Variants in MTX2 observed in about 807,000 individuals in gnomAD.
MTX2 encodes metaxin 2.
MTX2 carries 35 observed loss-of-function variants against 42.3 expected under a neutral mutation model. The observed-to-expected ratio is 0.83, with a 90% CI of 0.63 to 1.10. MTX2 has a LOEUF of 1.10. MTX2 is among the 50% of genes least tolerant of loss of function. The pLI is 0.00. For missense variants in MTX2, 307 were observed against 304.1 expected, an observed-to-expected ratio of 1.01 and a Z score of -0.07; for synonymous variants, 119 against 100.9, an observed-to-expected ratio of 1.18 and a Z score of -1.08.
At chr2:176,328,016 T>C (rs1241138203) in intron 5 of MTX2, among the ~76,000 whole-genome samples, 1 of 151,192 alleles carries the variant, frequency 6.6e-6, no homozygotes, top group African/African-American at 2.4e-5. Flanking sequence ...TTAAACAAGG[T>C]TTGCTGACCA....
chr2:176,310,840 G>T (rs112940229), intron 3 of MTX2, among the ~76,000 whole-genome samples: 123 of 152,218 alleles, frequency 8.1e-4, no homozygotes, highest in African/African-American at 2.9e-3. Flanking sequence ...CTATGGGTTT[G>T]AACATCCTCC....
At chr2:176,313,416 A>G (rs1388465150) in intron 3 of MTX2, among the ~76,000 whole-genome samples, 2 of 112,794 alleles carry the variant, frequency 1.8e-5, no homozygotes, top group South Asian at 2.7e-4. Flanking sequence ...TTTTGGAGAT[A>G]GGGTCTCACT....
At chr2:176,313,417 G>A (rs1414815520) in intron 3 of MTX2, among the ~76,000 whole-genome samples, 2 of 122,676 alleles carry the variant, frequency 1.6e-5, no homozygotes, top group South Asian at 5.4e-4. Context: ...TTTGGAGATA[G>A]GGTCTCACTC....
chr2:176,274,252 C>T (rs1348619593), intron 1 of MTX2, among the ~76,000 whole-genome samples: 3 of 152,038 alleles, frequency 2.0e-5, no homozygotes, highest in African/African-American at 7.2e-5. Context: ...TTTAAAATTC[C>T]ATCCATCATT....
At chr2:176,310,668 CT>C (rs1684281788) in intron 3 of MTX2, among the ~76,000 whole-genome samples, 1 of 152,132 alleles carries the variant, frequency 6.6e-6, no homozygotes, top group African/African-American at 2.4e-5. Context: ...CACTGATACC[CT>C]TTCTTCCACT....
chr2:176,332,668 C>T (rs575770972), intron 9 of MTX2, among the ~76,000 whole-genome samples: 1 of 150,874 alleles, frequency 6.6e-6, no homozygotes, highest in Non-Finnish European at 1.5e-5. Flanking sequence ...GAAAAGAGGC[C>T]AAAAAGCAAG....
At chr2:176,327,037 T>G in intron 5 of MTX2, 136 bp downstream of exon 5, 1 of 485,706 alleles carries the variant, frequency 2.1e-6, no homozygotes, top group Admixed American at 4.2e-5. Context: ...ATTTCTGAAG[T>G]GTAAGTTAGT....
At chr2:176,317,449 G>A (rs188696560) in intron 3 of MTX2, among the ~76,000 whole-genome samples, 40 of 152,228 alleles carry the variant, frequency 2.6e-4, no homozygotes, top group African/African-American at 8.9e-4. Flanking sequence ...TTTTGGCTCT[G>A]TATTTTGTTT....
chr2:176,294,312 TCTCC>T, intron 1 of MTX2, among the ~76,000 whole-genome samples: 1 of 137,494 alleles, frequency 7.3e-6, no homozygotes, highest in South Asian at 2.3e-4. Context: ...TAAGACAGAG[TCTCC>T]CTCTGTCACC....
chr2:176,331,685 T>G (rs576470222), intron 9 of MTX2, among the ~76,000 whole-genome samples: 1 of 151,184 alleles, frequency 6.6e-6, no homozygotes, highest in Non-Finnish European at 1.5e-5. Context: ...GAAATTCTGG[T>G]GGGTAAAGCT....
In MTX2 at chr2:176,323,351, A is replaced by G. The variant is rs757760664; in HGVS notation, c.136-41A>G. The G allele has an allele frequency of 4.6e-6, 7 of 1,524,328 alleles. No homozygotes were observed. In the Admixed American group the frequency reaches 8.4e-5, roughly 18 times the overall value. The allele number at this position is 1,524,328 out of a possible 1,614,324, so 94.4% of individuals were successfully genotyped here. A position where few individuals can be genotyped will look rare whatever the true frequency, so the allele number is the denominator to read the frequency against. Reference sequence around the variant, plus strand: ...TACAAATTTCTGTTCAAATATGCATATGCTTTTTACTGGGCTTATTGTATG... The same window carrying G: ...TACAAATTTCTGTTCAAATATGCATGTGCTTTTTACTGGGCTTATTGTATG... On this transcript the variant is annotated intron_variant, in intron 3 of 9. Transcript: ENST00000249442.
chr2:176,329,040 AC>A (rs1684789963), intron 7 of MTX2, 128 bp downstream of exon 7: 1 of 946,470 alleles, frequency 1.1e-6, no homozygotes, highest in South Asian at 1.8e-5. Context: ...TTTTTCACTT[AC>A]TTTAATTTTG....
Position 176,326,736 on chromosome 2 carries a change from AC to A in MTX2, c.209-87del, listed in dbSNP as rs1193597575. The A allele has an allele frequency of 2.2e-5, 18 of 810,096 alleles. No homozygotes were observed. The East Asian group carries it at 5.5e-4, about 25-fold the overall frequency. 50.2% of individuals were successfully genotyped at this position (810,096 alleles called of 1,614,324 possible). A position where few individuals can be genotyped will look rare whatever the true frequency, so the allele number is the denominator to read the frequency against. On this transcript the variant is annotated intron_variant, in intron 4 of 9. Transcript: ENST00000249442. ...TTTTATGAAATCCCTATTTATAAAT[AC>A]CTGAGTTTTGTGTTAATTTTTTTTA... is the stretch of plus-strand genomic sequence containing the variant.
intron 9 of MTX2, among the ~76,000 whole-genome samples, chr2:176,336,864 C>CG (rs1402890339): frequency 2.0e-5 from 3 of 152,068 alleles, no homozygotes; most frequent in African/African-American, 2.4e-5. Context: ...AACATATCCA[C>CG]GGGGGTCTTT....
At chr2:176,316,376 C>T (rs2105433218) in intron 3 of MTX2, among the ~76,000 whole-genome samples, 2 of 152,042 alleles carry the variant, frequency 1.3e-5, no homozygotes, top group East Asian at 3.9e-4. Flanking sequence ...CAACCTTGCT[C>T]TTTATTTTAT....
intron 9 of MTX2, among the ~76,000 whole-genome samples, chr2:176,335,928 G>C (rs6433583): frequency 0.01 from 1,596 of 152,174 alleles, 29 homozygotes; most frequent in African/African-American, 0.037. Context: ...TAAATATTTA[G>C]GAGTCAGTGG....
rs115099799 is a variant in MTX2, at chr2:176,270,778, C to T, written c.40+1109C>T. Among the ~76,000 whole-genome samples the T allele has an allele frequency of 8.4e-3, 1,279 of 152,116 alleles. 23 individuals are homozygous for T. The highest frequency in any genetic ancestry group is 0.029 in the African/African-American group (1,208 of 41,512). On this transcript the variant is annotated intron_variant, in intron 1 of 9. Transcript: ENST00000249442. ...GAAGCTCCTACTAGATTGCAAGCTT[C>T]CTGAAAGTAGGGATCAAACTTGTTT...
At chr2:176,310,979 A>G (rs7355385) in intron 3 of MTX2, among the ~76,000 whole-genome samples, 48,872 of 151,930 alleles carry the variant, frequency 0.32, 9,401 homozygotes, top group African/African-American at 0.53. Context: ...GAGGAGAGGC[A>G]CTCTGATTTA....
intron 1 of MTX2, among the ~76,000 whole-genome samples, chr2:176,286,042 G>T (rs958012322): frequency 1.3e-5 from 2 of 152,082 alleles, no homozygotes; most frequent in African/African-American, 2.4e-5. Flanking sequence ...TGTCTGTCTT[G>T]TTGATTATGA....
Sources: gnomAD v4.1 joint callset for allele counts (sites outside exome capture counted in the v4.1 genomes callset) on GRCh38, gnomAD v4.1.1 for gene constraint, MANE v1.5 for transcripts, NCBI Gene and HGNC (gene_info 2026-07-23, HGNC 2026-07-21) for gene names.